Variants in EPB41L4A observed in about 807,000 individuals in gnomAD.
EPB41L4A encodes erythrocyte membrane protein band 4.1 like 4A.
A neutral mutation model predicts 108.6 loss-of-function variants in EPB41L4A; 100 were observed. The ratio of observed to expected loss-of-function variants is 0.92; its 90% confidence interval spans 0.78 to 1.09. The LOEUF is 1.09. EPB41L4A is among the 50% of genes least tolerant of loss of function. EPB41L4A has a pLI of 0.00. For missense variants in EPB41L4A, 1,030 were observed against 842.7 expected, an observed-to-expected ratio of 1.22 and a Z score of -2.75; for synonymous variants, 319 against 289.0, an observed-to-expected ratio of 1.10 and a Z score of -1.05.
intron 1 of EPB41L4A, among the ~76,000 whole-genome samples, chr5:112,389,056 T>C (rs1191744265): frequency 6.6e-6 from 1 of 152,000 alleles, no homozygotes; most frequent in South Asian, 2.1e-4. Flanking sequence ...AGGAGAGGAA[T>C]TGTTGGACGT....
At chr5:112,193,515 G>A (rs1391098677) in intron 17 of EPB41L4A, among the ~76,000 whole-genome samples, 1 of 152,124 alleles carries the variant, frequency 6.6e-6, no homozygotes, top group African/African-American at 2.4e-5. Context: ...TGGTCAGGCT[G>A]GTCTCGAACT....
At chr5:112,313,858 CTTTTTTTT>C (rs1188991050) in intron 1 of EPB41L4A, among the ~76,000 whole-genome samples, 2 of 89,480 alleles carry the variant, frequency 2.2e-5, no homozygotes, top group South Asian at 4.0e-4. Flanking sequence ...AGGTAACTTT[CTTTTTTTT>C]TTTTTTTTTT....
At chr5:112,212,783 A>G (rs926102388) in intron 12 of EPB41L4A, among the ~76,000 whole-genome samples, 5 of 152,130 alleles carry the variant, frequency 3.3e-5, no homozygotes, top group Non-Finnish European at 5.9e-5. Flanking sequence ...AACTGAAAAA[A>G]GCTGAGTAAA....
At chr5:112,419,864 C>A (rs1029535421), upstream of EPB41L4A, 1 of 456,642 alleles carries the variant, frequency 2.2e-6, no homozygotes, top group Non-Finnish European at 4.4e-6. Flanking sequence ...AGCTCTCCCT[C>A]CGGGAATGCC....
At chr5:112,145,039 C>T (rs903644442) in intron 13 of EPB41L4A, among the ~76,000 whole-genome samples, 20 of 152,294 alleles carry the variant, frequency 1.3e-4, no homozygotes, top group South Asian at 4.1e-4. Context: ...CTTGTAATCC[C>T]GGCACTTTGG....
chr5:112,309,094 A>T (rs1415590545), intron 1 of EPB41L4A, among the ~76,000 whole-genome samples: 1 of 152,076 alleles, frequency 6.6e-6, no homozygotes, highest in East Asian at 1.9e-4. Flanking sequence ...TCTTCATTCC[A>T]TCTGGAAATT....
intron 3 of EPB41L4A, among the ~76,000 whole-genome samples, chr5:112,279,198 G>A (rs568566405): frequency 1.9e-4 from 29 of 152,046 alleles, no homozygotes; most frequent in Non-Finnish European, 3.4e-4. Context: ...GTGGAAAGGC[G>A]ATGAGAAACA....
chr5:112,344,001 T>C (rs1757483000), intron 1 of EPB41L4A, among the ~76,000 whole-genome samples: 1 of 152,188 alleles, frequency 6.6e-6, no homozygotes, highest in African/African-American at 2.4e-5. Flanking sequence ...GTCTGTAGTA[T>C]GCTACGATTG....
intron 2 of EPB41L4A, among the ~76,000 whole-genome samples, chr5:112,281,489 C>T (rs990469571): frequency 5.3e-5 from 8 of 152,194 alleles, no homozygotes; most frequent in Non-Finnish European, 1.0e-4. Flanking sequence ...CCTGGAGGGT[C>T]AGGGGAGGGC....
chr5:112,321,469 C>T (rs568013792), intron 1 of EPB41L4A, among the ~76,000 whole-genome samples: 1 of 152,158 alleles, frequency 6.6e-6, no homozygotes, highest in Non-Finnish European at 1.5e-5. Context: ...TGCCTTAATA[C>T]TGCTTTATTT....
At chr5:112,343,546 G>A (rs1205754025) in intron 1 of EPB41L4A, among the ~76,000 whole-genome samples, 1 of 152,078 alleles carries the variant, frequency 6.6e-6, no homozygotes, top group East Asian at 1.9e-4. Flanking sequence ...TGTTGGTGTT[G>A]CCATCACCAC....
chr5:112,168,216 C>G (rs2150196524), intron 22 of EPB41L4A, among the ~76,000 whole-genome samples: 2 of 152,202 alleles, frequency 1.3e-5, no homozygotes, highest in East Asian at 3.8e-4. Flanking sequence ...TCAAATTCAG[C>G]TAAGTGTTAA....
At chr5:112,265,902 A>C (rs1751817769) in intron 5 of EPB41L4A, among the ~76,000 whole-genome samples, 1 of 152,200 alleles carries the variant, frequency 6.6e-6, no homozygotes, top group African/African-American at 2.4e-5. Flanking sequence ...TCTCTGACAC[A>C]TAGAAGCTTG....
At chr5:112,350,618 T>C (rs1181577107) in intron 1 of EPB41L4A, among the ~76,000 whole-genome samples, 1 of 152,194 alleles carries the variant, frequency 6.6e-6, no homozygotes, top group African/African-American at 2.4e-5. Context: ...CTATCTCTCT[T>C]CATTCCCTGC....
chr5:112,207,079 C>G (rs1203305112), intron 13 of EPB41L4A: 2 of 152,132 alleles, frequency 1.3e-5, no homozygotes, highest in Non-Finnish European at 2.9e-5. Flanking sequence ...TGGTATGGTA[C>G]AAAAACTGAC....
At chr5:112,206,886 G>C (rs748594231) in intron 13 of EPB41L4A, 1 of 152,162 alleles carries the variant, frequency 6.6e-6, no homozygotes, top group Non-Finnish European at 1.5e-5. Flanking sequence ...ATATACAGAT[G>C]CAATGCTATT....
At chr5:112,394,041 C>T (rs1042302693) in intron 1 of EPB41L4A, among the ~76,000 whole-genome samples, 1 of 152,118 alleles carries the variant, frequency 6.6e-6, no homozygotes, top group African/African-American at 2.4e-5. Context: ...ATTCAACAGC[C>T]CTTCATGCCA....
chr5:112,272,878 G>C (rs999470398), intron 4 of EPB41L4A, among the ~76,000 whole-genome samples: 67 of 151,064 alleles, frequency 4.4e-4, no homozygotes, highest in African/African-American at 1.6e-3. Flanking sequence ...AAAAGATTAT[G>C]TATAAGCACG....
At chr5:112,280,536 T>G (rs111941535) in intron 2 of EPB41L4A, among the ~76,000 whole-genome samples, 1 of 152,178 alleles carries the variant, frequency 6.6e-6, no homozygotes, top group African/African-American at 2.4e-5. Flanking sequence ...ACACCTGAAA[T>G]CCCAGCACTT....
Sources: allele counts gnomAD v4.1 joint callset (sites outside exome capture counted in the v4.1 genomes callset), GRCh38; gene constraint gnomAD v4.1.1; transcripts MANE v1.5; gene names NCBI Gene and HGNC (gene_info 2026-07-23, HGNC 2026-07-21).